The following IKBIP variants were observed in gnomAD, a reference collection of about 807,000 sequenced individuals.
The protein encoded by IKBIP is IKBKB interacting protein, also known as inhibitor of nuclear factor kappa-B kinase-interacting protein.
Under a neutral mutation model 31.0 loss-of-function variants are expected in IKBIP, and 28 were observed. The observed-to-expected ratio is 0.90, with a 90% confidence interval of 0.67 to 1.24. The LOEUF is 1.24. Ranked by LOEUF, IKBIP falls within the 50% of genes most tolerant of loss-of-function variation. IKBIP has a pLI of 0.00. For synonymous variants in IKBIP, 164 were observed against 160.3 expected (o/e 1.02, Z -0.17); for missense variants, 453 against 441.9 (o/e 1.03, Z -0.23).
At chr12:98,614,435 T>A in intron 2 of IKBIP, 1 of 738,856 alleles carries the variant, frequency 1.4e-6, no homozygotes, top group Non-Finnish European at 1.9e-6. Flanking sequence ...AATTTTAATT[T>A]TTTTTTTGAG....
At chr12:98,618,625 C>CA (rs78129850) in intron 2 of IKBIP, among the ~76,000 whole-genome samples, 23,863 of 126,728 alleles carry the variant, frequency 0.19, 2,255 homozygotes, top group African/African-American at 0.28. Flanking sequence ...GACTCTGTCT[C>CA]AAAAAAAAAA....
chr12:98,624,646 T>C lies in IKBIP; in HGVS notation c.*1284A>G, dbSNP rs2097612578. On this transcript the variant is annotated 3_prime_UTR_variant, in exon 3 of 3. Coordinates refer to ENST00000299157, the MANE Select transcript of IKBIP (RefSeq NM_153687.4). Reference sequence around the variant, plus strand: ...CCATATTGCAGTTGACTACATTATATAATTTCAAATAAAATAAAATCAATT... The same window carrying C: ...CCATATTGCAGTTGACTACATTATACAATTTCAAATAAAATAAAATCAATT... 13 of 871,792 alleles carry C rather than the reference T, an allele frequency of 1.5e-5. No individual in the cohort carries two copies. The highest frequency in any genetic ancestry group is 1.8e-5 in the Non-Finnish European group (13 of 726,528). 54.0% of individuals were successfully genotyped at this position (871,792 alleles called of 1,614,324 possible). A position where few individuals can be genotyped will look rare whatever the true frequency, so the allele number is the denominator to read the frequency against.
chr12:98,635,203 C>G (rs1490056026), intron 1 of IKBIP, among the ~76,000 whole-genome samples: 1 of 151,802 alleles, frequency 6.6e-6, no homozygotes, highest in Non-Finnish European at 1.5e-5. Flanking sequence ...GATGGGGTTT[C>G]ACCATGTTGG....
At chr12:98,639,713 C>T (rs192974940) in intron 1 of IKBIP, among the ~76,000 whole-genome samples, 1 of 152,306 alleles carries the variant, frequency 6.6e-6, no homozygotes, top group African/African-American at 2.4e-5. Flanking sequence ...TGAGGACTTA[C>T]AAATTCAGGA....
intron 1 of IKBIP, among the ~76,000 whole-genome samples, chr12:98,640,489 T>TA (rs1194727602): frequency 1.3e-5 from 2 of 151,546 alleles, no homozygotes; most frequent in African/African-American, 4.9e-5. Context: ...AAAAAGCAAT[T>TA]AAAAAATCTA....
At chr12:98,633,282 C>T (rs1036254500) in intron 2 of IKBIP, among the ~76,000 whole-genome samples, 1 of 152,074 alleles carries the variant, frequency 6.6e-6, no homozygotes, top group Non-Finnish European at 1.5e-5. Flanking sequence ...CTACATGATG[C>T]CTTATTGATC....
At chr12:98,635,264 A>G (rs541205899) in intron 1 of IKBIP, among the ~76,000 whole-genome samples, 2 of 152,140 alleles carry the variant, frequency 1.3e-5, no homozygotes, top group Admixed American at 6.5e-5. Context: ...TTGGCCTCCC[A>G]AAGTGCTAGG....
Position 98,625,424 on chromosome 12 carries a change from T to C in IKBIP, c.*506A>G, listed in dbSNP as rs140770199. ...TTACACAAAATTCCCATGAACTTGGTTGTGTGGATTCTTAACCTGCAGTGA... is the reference window on the plus strand; with the variant it reads ...TTACACAAAATTCCCATGAACTTGGCTGTGTGGATTCTTAACCTGCAGTGA... On this transcript the variant is annotated 3_prime_UTR_variant, in exon 3 of 3. Coordinates refer to ENST00000299157, the MANE Select transcript of IKBIP (RefSeq NM_153687.4). 6.5e-5 allele frequency: 33 copies of C among 504,196 alleles called. No individual in the cohort carries two copies. The East Asian group carries it at 2.9e-3, about 44-fold the overall frequency. The allele number at this position is 504,196 out of a possible 1,614,324, so 31.2% of individuals were successfully genotyped here. A position where few individuals can be genotyped will look rare whatever the true frequency, so the allele number is the denominator to read the frequency against.
chr12:98,614,194 C>T lies in IKBIP; in HGVS notation c.444G>A (p.Thr148=), dbSNP rs754846550. The T allele has an allele frequency of 5.0e-6, 8 of 1,613,928 alleles. No individual in the cohort carries two copies. In the East Asian group the frequency reaches 1.6e-4, roughly 31 times the overall value. ...CTTTTGTAATGTCTTGAGAAAGCGTCGTCAGACTGTTGTTCAGTATATCCT... is the reference window on the plus strand; with the variant it reads ...CTTTTGTAATGTCTTGAGAAAGCGTTGTCAGACTGTTGTTCAGTATATCCT... The change falls in exon 3 of 3, where the codon ACG becomes ACA. Residue 148 remains threonine, a synonymous_variant. Transcript: ENST00000342502.
At chr12:98,636,836 T>C (rs1042353823) in intron 1 of IKBIP, among the ~76,000 whole-genome samples, 16 of 151,586 alleles carry the variant, frequency 1.1e-4, no homozygotes, top group African/African-American at 3.9e-4. Context: ...GACCAGCAGA[T>C]AGAGACCTTA....
At chr12:98,619,928 T>C (rs2097608765), downstream of IKBIP, among the ~76,000 whole-genome samples, 1 of 150,686 alleles carries the variant, frequency 6.6e-6, no homozygotes, top group Non-Finnish European at 1.5e-5. Flanking sequence ...TATTTATTTA[T>C]TTATTTATGA....
chr12:98,614,138 T>TA lies in IKBIP; in HGVS notation c.499_500insT (p.Asp167ValfsTer22). 6.2e-7 allele frequency: 1 copy of TA among 1,613,682 alleles called. No individual in the cohort carries two copies. Among genetic ancestry groups the TA allele is most frequent in the South Asian group, 1.1e-5 (1 of 91,084 alleles). On this transcript the variant is annotated frameshift_variant, in exon 3 of 3. Transcript: ENST00000342502. LOFTEE classifies it high-confidence loss of function. Reference sequence around the variant, plus strand: ...TACACTTGTAATCTTGAGACCAACATCTTTTGCCATGGAAGTTGTACTTTG... The same window carrying TA: ...TACACTTGTAATCTTGAGACCAACATACTTTTGCCATGGAAGTTGTACTTTG...
intron 2 of IKBIP, among the ~76,000 whole-genome samples, chr12:98,632,712 C>T (rs1470099332): frequency 2.0e-5 from 3 of 147,184 alleles, no homozygotes; most frequent in Non-Finnish European, 3.0e-5. Context: ...GAAACCTCTG[C>T]CTCCCAGGTT....
rs2097614027 is a variant in IKBIP, at chr12:98,626,131, C to A, written c.933G>T (p.Met311Ile). ...TMQMFNMEDD[M>I]LKAVSEIMEM... ...CCATTATTTCAGACACTGCTTTCAG[C>A]ATATCATCTTCCATATTAAACATCT... The change falls in exon 3 of 3, where the codon ATG becomes ATT. Residue 311 changes from methionine (M) to isoleucine (I), a missense_variant. Coordinates refer to ENST00000299157, the MANE Select transcript of IKBIP (RefSeq NM_153687.4). The A allele has an allele frequency of 6.2e-7, 1 of 1,610,054 alleles. No homozygotes were observed. The highest frequency in any genetic ancestry group is 8.5e-7 in the Non-Finnish European group (1 of 1,177,340).
intron 2 of IKBIP, among the ~76,000 whole-genome samples, chr12:98,627,745 T>TTTTTTGG (rs2097616217): frequency 6.6e-6 from 1 of 151,566 alleles, no homozygotes; most frequent in Non-Finnish European, 1.5e-5. Context: ...GCCCTCGATG[T>TTTTTTGG]CATTTTTATG....
chr12:98,618,625 C>CAAAA (rs78129850), intron 2 of IKBIP, among the ~76,000 whole-genome samples: 21 of 126,838 alleles, frequency 1.7e-4, no homozygotes, highest in South Asian at 1.0e-3. Flanking sequence ...GACTCTGTCT[C>CAAAA]AAAAAAAAAA....
chr12:98,630,347 C>G (rs751934005), intron 2 of IKBIP, among the ~76,000 whole-genome samples: 11 of 127,608 alleles, frequency 8.6e-5, no homozygotes, highest in Non-Finnish European at 1.2e-4. Context: ...CTCCCCACTG[C>G]ACTCCAGCCT....
chr12:98,643,120 T>G (rs563468889), intron 1 of IKBIP, among the ~76,000 whole-genome samples: 11 of 152,092 alleles, frequency 7.2e-5, no homozygotes, highest in Non-Finnish European at 1.6e-4. Flanking sequence ...GCCTGGCTAA[T>G]TTTTGTATTT....
chr12:98,613,510 AT>A, exon 3 of IKBIP: 1 of 689,464 alleles, frequency 1.5e-6, no homozygotes. Flanking sequence ...AAATATCATT[AT>A]TTTTGATTTA....
Sources: gnomAD v4.1 joint callset for allele counts (sites outside exome capture counted in the v4.1 genomes callset) on GRCh38, gnomAD v4.1.1 for gene constraint, MANE v1.5 for transcripts, NCBI Gene and HGNC (gene_info 2026-07-23, HGNC 2026-07-21) for gene names.